WDR33: variants seen among roughly 807,000 people sequenced by gnomAD.
WDR33 encodes WD repeat domain 33.
In WDR33, 47 loss-of-function variants were observed where a neutral mutation model predicts 164.9. The ratio of observed to expected loss-of-function variants is 0.29; its 90% confidence interval spans 0.23 to 0.36. The LOEUF (loss-of-function observed/expected upper bound fraction) is 0.36, where lower values mean the gene tolerates loss of function less well. Among genes scored for constraint, WDR33 ranks in the 10% least tolerant of loss-of-function variants. WDR33 has a pLI of 1.00. For synonymous variants in WDR33, 505 were observed against 589.0 expected, an observed-to-expected ratio of 0.86 and a Z score of 2.06; for missense variants, 1,137 against 1,754.1, an observed-to-expected ratio of 0.65 and a Z score of 6.28.
At chr2:127,752,253 C>A (rs1361572921) in intron 7 of WDR33, among the ~76,000 whole-genome samples, 1 of 152,128 alleles carries the variant, frequency 6.6e-6, no homozygotes, top group Non-Finnish European at 1.5e-5. Context: ...CAGGATAAAA[C>A]CTGTTCTTAC....
intron 7 of WDR33, among the ~76,000 whole-genome samples, chr2:127,749,972 C>T (rs1378743598): frequency 6.6e-6 from 1 of 151,370 alleles, no homozygotes; most frequent in Non-Finnish European, 1.5e-5. Context: ...CTAATATCTG[C>T]TTCTTCTTAA....
intron 1 of WDR33, among the ~76,000 whole-genome samples, chr2:127,800,854 T>C (rs968419603): frequency 1.3e-5 from 2 of 152,106 alleles, no homozygotes; most frequent in Non-Finnish European, 2.9e-5. Context: ...CAAAAAATAA[T>C]TGTGTACACA....
At chr2:127,795,697 GT>G (rs1335125549) in intron 1 of WDR33, among the ~76,000 whole-genome samples, 1 of 151,420 alleles carries the variant, frequency 6.6e-6, no homozygotes, top group African/African-American at 2.4e-5. Context: ...GCCAGGTGTG[GT>G]GGCATGCTCC....
chr2:127,775,776 A>T (rs1023939813), intron 1 of WDR33, among the ~76,000 whole-genome samples: 1 of 152,214 alleles, frequency 6.6e-6, no homozygotes, highest in Non-Finnish European at 1.5e-5. Context: ...TTGTTCAGTA[A>T]AACGGGTTCT....
chr2:127,779,491 C>T (rs1573448338), intron 1 of WDR33, among the ~76,000 whole-genome samples: 1 of 150,278 alleles, frequency 6.7e-6, no homozygotes, highest in East Asian at 1.9e-4. Flanking sequence ...AAAAATAGAA[C>T]ATATGATAGA....
At chr2:127,711,780 A>ATATATATATATATATT in intron 18 of WDR33, among the ~76,000 whole-genome samples, 113 of 88,282 alleles carry the variant, frequency 1.3e-3, no homozygotes, top group Non-Finnish European at 2.0e-3. Context: ...ATATATATAT[A>ATATATATATATATATT]TTTTTTTTTT....
Position 127,701,761 on chromosome 2 carries a change from C to T in WDR33, c.*4562G>A, listed in dbSNP as rs756066011. On this transcript the variant is annotated 3_prime_UTR_variant, in exon 22 of 22. Transcript: ENST00000322313. The stretch of plus-strand genomic sequence containing the variant: ...AGCGTGACGCGCGGGCAGCGGCTGG[C>T]GGCGGGCGGCGGGTGCCTGCTGCTG... 2 of 1,421,666 alleles carry T rather than the reference C, an allele frequency of 1.4e-6. No homozygotes were observed. The highest frequency in any genetic ancestry group is 1.8e-6 in the Non-Finnish European group (2 of 1,087,176). The allele number at this position is 1,421,666 out of a possible 1,614,324, so 88.1% of individuals were successfully genotyped here.
intron 1 of WDR33, among the ~76,000 whole-genome samples, chr2:127,809,493 T>C (rs1488005489): frequency 7.2e-6 from 1 of 139,238 alleles, no homozygotes; most frequent in Non-Finnish European, 1.5e-5. Context: ...TAGAGTGCAA[T>C]GGCGCGATCT....
In WDR33 at chr2:127,718,329, C is replaced by T. The variant is rs779342036; in HGVS notation, c.2760+936G>A. ...GTCTCAGGGAGTCAACATTAGCTGA[C>T]TCGCTCACTTTTGGTCCACACTGGA... is the stretch of plus-strand genomic sequence containing the variant. On this transcript the variant is annotated intron_variant, in intron 16 of 21. Coordinates refer to ENST00000322313, the MANE Select transcript of WDR33 (RefSeq NM_018383.5). This position sits in a 1 kb window ranked among gnomAD's most constrained non-coding sequence, Gnocchi z 4.4. Among the ~76,000 whole-genome samples, 1 of 152,048 alleles carries T rather than the reference C, an allele frequency of 6.6e-6. No homozygotes were observed. The highest frequency in any genetic ancestry group is 1.5e-5 in the Non-Finnish European group (1 of 68,016).
intron 7 of WDR33, among the ~76,000 whole-genome samples, chr2:127,758,480 G>A (rs994737564): frequency 6.6e-6 from 1 of 151,902 alleles, no homozygotes; most frequent in Non-Finnish European, 1.5e-5. Flanking sequence ...TGCTCTGGTA[G>A]GGCTACTGGG....
chr2:127,807,131 A>G (rs958653125), intron 1 of WDR33, among the ~76,000 whole-genome samples: 6 of 152,142 alleles, frequency 3.9e-5, no homozygotes, highest in African/African-American at 9.7e-5. Flanking sequence ...CAGCTTCCCA[A>G]GTAGCTGGGA....
chr2:127,801,436 A>G (rs1013909798), intron 1 of WDR33, among the ~76,000 whole-genome samples: 2 of 151,380 alleles, frequency 1.3e-5, no homozygotes, highest in Non-Finnish European at 2.9e-5. Context: ...CCATGGTGGG[A>G]GGATCACTTT....
At chr2:127,809,428 CTTTTTTT>C (rs70985478) in intron 1 of WDR33, among the ~76,000 whole-genome samples, 47 of 94,636 alleles carry the variant, frequency 5.0e-4, no homozygotes, top group East Asian at 2.4e-3. Context: ...AGCCAAATTC[CTTTTTTT>C]TTTTTTTTTT....
In WDR33 at chr2:127,785,444, T is replaced by C. The variant is rs182274582; in HGVS notation, c.-23-14440A>G. 2.0e-5 allele frequency among the ~76,000 whole-genome samples: 3 copies of C among 152,360 alleles called. No homozygotes were observed. The East Asian group carries it at 5.8e-4, about 29-fold the overall frequency. ...TGTATCCACACAGAATAGTTTCTGC[T>C]GCCCTAAAAATCCTCTGCTCTATCT... On this transcript the variant is annotated intron_variant, in intron 1 of 21. Coordinates refer to ENST00000322313, the MANE Select transcript of WDR33 (RefSeq NM_018383.5).
At chr2:127,743,407 G>C (rs192442027) in intron 7 of WDR33, among the ~76,000 whole-genome samples, 59 of 152,176 alleles carry the variant, frequency 3.9e-4, no homozygotes, top group Non-Finnish European at 6.6e-4. Flanking sequence ...TGTCCAAGCA[G>C]AACAACTTTT....
intron 7 of WDR33, among the ~76,000 whole-genome samples, chr2:127,750,580 C>CG (rs1319556131): frequency 7.3e-6 from 1 of 137,310 alleles, no homozygotes. Context: ...ACCCGAGAGG[C>CG]GGAAGTTGCA....
chr2:127,770,874 T>C lies in WDR33; in HGVS notation c.108A>G (p.Gln36=). Residue 36 remains glutamine (Q), a synonymous_variant, in exon 2 of 22, where the codon CAA becomes CAG. Transcript: ENST00000322313. The surrounding 1 kb of genome is among the most constrained non-coding windows in gnomAD (Gnocchi z 4.9). ...FYKRPDFAQQ[Q]AMQQLTFDGK... is the part of the protein sequence containing the mutation. ...CATCAAAAGTAAGCTGTTGCATTGC[T>C]TGCTGTTGTGCAAAATCAGGTCGCT... 1.9e-6 allele frequency: 3 copies of C among 1,614,188 alleles called. No individual in the cohort carries two copies. The highest frequency in any genetic ancestry group is 2.5e-6 in the Non-Finnish European group (3 of 1,180,040).
Position 127,763,479 on chromosome 2 carries a change from T to C in WDR33, c.627-320A>G. The C allele has an allele frequency of 4.6e-6, 5 of 1,082,116 alleles. No homozygotes were observed. The highest frequency in any genetic ancestry group is 5.6e-6 in the Non-Finnish European group (5 of 889,616). 67.0% of individuals were successfully genotyped at this position (1,082,116 alleles called of 1,614,324 possible). Reference sequence around the variant, plus strand: ...AATCACATGAAGCTGCCTTAAGTGGTGAAAATAAATGGATTCTATTTTTGC... The same window carrying C: ...AATCACATGAAGCTGCCTTAAGTGGCGAAAATAAATGGATTCTATTTTTGC... On this transcript the variant is annotated intron_variant, in intron 6 of 21. Coordinates refer to ENST00000322313, the MANE Select transcript of WDR33 (RefSeq NM_018383.5). The surrounding 1 kb of genome is among the most constrained non-coding windows in gnomAD (Gnocchi z 4.5).
intron 1 of WDR33, among the ~76,000 whole-genome samples, chr2:127,772,772 T>A (rs1239166721): frequency 6.6e-6 from 1 of 152,146 alleles, no homozygotes; most frequent in Non-Finnish European, 1.5e-5. Flanking sequence ...GCTCTACATT[T>A]AAACTTACAT....
Sources: gnomAD v4.1 joint callset for allele counts (sites outside exome capture counted in the v4.1 genomes callset) on GRCh38, gnomAD v4.1.1 for gene constraint, Gnocchi (gnomAD v3.1) non-coding constraint, MANE v1.5 for transcripts, NCBI Gene and HGNC (gene_info 2026-07-23, HGNC 2026-07-21) for gene names.